LHFPL6: variants seen among roughly 807,000 people sequenced by gnomAD.
LHFPL6 encodes the protein LHFPL tetraspan subfamily member 6.
In LHFPL6, 9 loss-of-function variants were observed where a neutral mutation model predicts 20.6. The observed-to-expected ratio is 0.44, with a 90% CI of 0.26 to 0.76. The LOEUF (loss-of-function observed/expected upper bound fraction) is 0.76. LHFPL6 is among the 30% of genes least tolerant of loss of function. The pLI is 0.20. For synonymous variants in LHFPL6, 105 were observed against 98.7 expected (o/e 1.06, Z -0.38); for missense variants, 218 against 253.5 (o/e 0.86, Z 0.95).
At chr13:39,468,802 A>G (rs551395670) in intron 2 of LHFPL6, among the ~76,000 whole-genome samples, 1 of 152,188 alleles carries the variant, frequency 6.6e-6, no homozygotes, top group South Asian at 2.1e-4. Context: ...CGAAAACTCA[A>G]TCTTGATTTC....
chr13:39,422,632 C>A lies in LHFPL6; in HGVS notation c.386-44106G>T, dbSNP rs535669508. Among the ~76,000 whole-genome samples, 12 of 149,308 alleles carry A rather than the reference C, an allele frequency of 8.0e-5. No individual in the cohort carries two copies. The East Asian group carries it at 2.0e-3, about 24-fold the overall frequency. ...AGAAGAAGAAGAAGAAAACACAATG[C>A]GCAACAGCTACAAATTCCTTATAAA... On this transcript the variant is annotated intron_variant, in intron 2 of 3. Coordinates refer to ENST00000379589, the MANE Select transcript of LHFPL6 (RefSeq NM_005780.3).
At chr13:39,543,237 A>T (rs1870868495) in intron 2 of LHFPL6, among the ~76,000 whole-genome samples, 1 of 152,138 alleles carries the variant, frequency 6.6e-6, no homozygotes, top group Admixed American at 6.5e-5. Flanking sequence ...TATATATCAC[A>T]TTTTCCTTAG....
intron 2 of LHFPL6, among the ~76,000 whole-genome samples, chr13:39,597,459 C>T (rs534511317): frequency 6.6e-6 from 1 of 152,256 alleles, no homozygotes; most frequent in Non-Finnish European, 1.5e-5. Flanking sequence ...TATTTGAAAG[C>T]ACACAATTTT....
At chr13:39,346,153 C>T (rs112050601) in intron 3 of LHFPL6, among the ~76,000 whole-genome samples, 9 of 152,102 alleles carry the variant, frequency 5.9e-5, no homozygotes, top group African/African-American at 1.9e-4. Flanking sequence ...TTAGCATGTG[C>T]CCCAGGCGCA....
intron 2 of LHFPL6, among the ~76,000 whole-genome samples, chr13:39,527,470 T>C (rs958692234): frequency 6.6e-6 from 1 of 151,958 alleles, no homozygotes; most frequent in African/African-American, 2.4e-5. Context: ...CTGTCCATCT[T>C]TGAACAACCG....
chr13:39,430,635 T>A lies in LHFPL6; in HGVS notation c.386-52109A>T, dbSNP rs57081452. 2.0e-5 allele frequency among the ~76,000 whole-genome samples: 3 copies of A among 152,150 alleles called. No individual in the cohort carries two copies. The East Asian group carries it at 5.8e-4, about 29-fold the overall frequency. ...GAACTTTTCTGTCTAGCTAAAGTTT[T>A]GCAAACGCACCAATCAGCACTCTGT... On this transcript the variant is annotated intron_variant, in intron 2 of 3. Coordinates refer to ENST00000379589, the MANE Select transcript of LHFPL6 (RefSeq NM_005780.3).
chr13:39,466,413 C>T (rs572477782), intron 2 of LHFPL6, among the ~76,000 whole-genome samples: 1 of 152,286 alleles, frequency 6.6e-6, no homozygotes, highest in South Asian at 2.1e-4. Context: ...AAGACTGCTG[C>T]ATGTTGTGAG....
intron 2 of LHFPL6, among the ~76,000 whole-genome samples, chr13:39,465,119 T>A (rs17059986): frequency 1.3e-5 from 2 of 152,188 alleles, no homozygotes; most frequent in Middle Eastern, 3.2e-3. Context: ...AATTGAAGAT[T>A]TGATCACCTG....
intron 2 of LHFPL6, among the ~76,000 whole-genome samples, chr13:39,483,346 T>A (rs1249674822): frequency 6.6e-6 from 1 of 152,214 alleles, no homozygotes; most frequent in Non-Finnish European, 1.5e-5. Context: ...TGAGAAACTG[T>A]ACTAATATTG....
chr13:39,351,871 G>A (rs182877464), intron 3 of LHFPL6, among the ~76,000 whole-genome samples: 3 of 152,122 alleles, frequency 2.0e-5, no homozygotes, highest in African/African-American at 4.8e-5. Context: ...TGTATGTTAC[G>A]TTCCTTTTTT....
intron 2 of LHFPL6, among the ~76,000 whole-genome samples, chr13:39,504,566 G>A (rs1479851691): frequency 1.1e-4 from 17 of 152,152 alleles, no homozygotes; most frequent in Admixed American, 1.1e-3. Flanking sequence ...GGCATTGCAG[G>A]TGGTCCCCTT....
intron 2 of LHFPL6, among the ~76,000 whole-genome samples, chr13:39,492,509 A>G (rs947805569): frequency 1.3e-5 from 2 of 152,188 alleles, no homozygotes; most frequent in African/African-American, 2.4e-5. Flanking sequence ...CAAATAAAAG[A>G]GCAAATAAAA....
intron 2 of LHFPL6, among the ~76,000 whole-genome samples, chr13:39,470,550 G>T (rs1872917348): frequency 6.6e-6 from 1 of 151,954 alleles, no homozygotes; most frequent in Non-Finnish European, 1.5e-5. Context: ...TTTATTTTGG[G>T]ATGTAATGTA....
At chr13:39,444,115 T>C (rs1390146118) in intron 2 of LHFPL6, among the ~76,000 whole-genome samples, 1 of 152,162 alleles carries the variant, frequency 6.6e-6, no homozygotes, top group Admixed American at 6.5e-5. Flanking sequence ...TATGTCCATG[T>C]CCTAGAACTT....
chr13:39,435,864 T>G (rs1037475398), intron 2 of LHFPL6, among the ~76,000 whole-genome samples: 34 of 152,168 alleles, frequency 2.2e-4, no homozygotes, highest in South Asian at 4.1e-4. Context: ...ACAGGTCATA[T>G]GCATACATAT....
At chr13:39,533,485 C>G (rs1355520509) in intron 2 of LHFPL6, among the ~76,000 whole-genome samples, 1 of 152,170 alleles carries the variant, frequency 6.6e-6, no homozygotes, top group African/African-American at 2.4e-5. Context: ...TGCCCCACAT[C>G]GCTTTCACCC....
intron 2 of LHFPL6, among the ~76,000 whole-genome samples, chr13:39,453,511 T>C (rs1350734959): frequency 6.6e-6 from 1 of 152,182 alleles, no homozygotes; most frequent in Non-Finnish European, 1.5e-5. Context: ...AATGTTGAGA[T>C]TTGTAAAAAC....
intron 2 of LHFPL6, among the ~76,000 whole-genome samples, chr13:39,412,861 G>T (rs1294129793): frequency 1.3e-5 from 2 of 151,424 alleles, no homozygotes; most frequent in Non-Finnish European, 2.9e-5. Context: ...GGCGGAGGTT[G>T]CAGTGAGCCG....
chr13:39,439,755 C>T (rs1336753079), intron 2 of LHFPL6, among the ~76,000 whole-genome samples: 2 of 152,090 alleles, frequency 1.3e-5, no homozygotes, highest in African/African-American at 4.8e-5. Context: ...CACCTCCCCA[C>T]TCTCTCTCTT....
Sources: allele counts gnomAD v4.1 joint callset (sites outside exome capture counted in the v4.1 genomes callset), GRCh38; gene constraint gnomAD v4.1.1; transcripts MANE v1.5; gene names NCBI Gene and HGNC (gene_info 2026-07-23, HGNC 2026-07-21).